The following XPO4 variants were observed in gnomAD, a reference collection of about 807,000 sequenced individuals.
XPO4 encodes the protein exportin 4, also known as exportin-4.
A neutral mutation model predicts 143.0 loss-of-function variants in XPO4; 39 were observed. The observed-to-expected ratio is 0.27, with a 90% confidence interval of 0.21 to 0.36. The LOEUF is 0.36. Among genes scored for constraint, XPO4 ranks in the 10% least tolerant of loss-of-function variants. The pLI, the probability that XPO4 is intolerant of heterozygous loss-of-function variation, is 1.00. For missense variants in XPO4, 907 were observed against 1,348.0 expected (o/e 0.67, Z 5.12); for synonymous variants, 439 against 474.0 (o/e 0.93, Z 0.96).
rs554935190 is a variant in XPO4 at position 20,869,613 on chromosome 13, A to G, written c.70-912T>C. 3.6e-5 allele frequency: 28 copies of G among 769,730 alleles called. No homozygotes were observed. The African/African-American group carries it at 4.3e-4, about 12-fold the overall frequency. 47.7% of individuals were successfully genotyped at this position (769,730 alleles called of 1,614,324 possible). Reference sequence around the variant, plus strand: ...ATTAGATCAACACTCATTATAAATTATATCAATTATGCAACATTAGTCACT... The same window carrying G: ...ATTAGATCAACACTCATTATAAATTGTATCAATTATGCAACATTAGTCACT... On this transcript the variant is annotated intron_variant, in intron 1 of 22. Transcript: ENST00000255305.
At chr13:20,875,929 G>T (rs1041965249) in intron 1 of XPO4, among the ~76,000 whole-genome samples, 1 of 151,888 alleles carries the variant, frequency 6.6e-6, no homozygotes, top group African/African-American at 2.4e-5. Flanking sequence ...TCATGTAAGG[G>T]TAAAGGCACA....
At chr13:20,850,072 C>CTCCA in intron 4 of XPO4, 3 of 967,216 alleles carry the variant, frequency 3.1e-6, no homozygotes, top group Non-Finnish European at 3.7e-6. Flanking sequence ...TGCCAATGCA[C>CTCCA]TCCAGCCTGG....
chr13:20,797,011 T>G lies in XPO4; in HGVS notation c.2369A>C (p.Glu790Ala), dbSNP rs1216309316. The change falls in exon 17 of 23, where the codon GAA (glutamate) becomes GCA (alanine). Residue 790 changes from glutamate (E) to alanine (A), a missense_variant. Glu to Ala is a moderately radical substitution (Grantham distance 107). Transcript: ENST00000255305. ...QQRFLRVINQ[E>A]NFQQMCQQEE... The stretch of plus-strand genomic sequence containing the variant: ...TTGCTGACACATCTGCTGGAAGTTT[T>G]CTTGGTTTATCACTCTTAAGAATCG... 6.2e-7 allele frequency: 1 copy of G among 1,612,246 alleles called. No individual in the cohort carries two copies.
At position 20,781,457 on chromosome 13, in the gene XPO4, A is replaced by G. The variant is rs140940061; in HGVS notation, c.*2265T>C. ...TAATATTCAACATTCTGCTGATCTT[A>G]TAAGTATTATTTGGTCCAATCTGAA... On this transcript the variant is annotated 3_prime_UTR_variant, in exon 23 of 23. Coordinates refer to ENST00000255305, the MANE Select transcript of XPO4 (RefSeq NM_022459.5). 226 of 152,728 alleles carry G rather than the reference A, an allele frequency of 1.5e-3. 1 individual carries two copies. Among genetic ancestry groups the G allele is most frequent in the African/African-American group, 5.1e-3 (210 of 41,570 alleles). The allele number at this position is 152,728 out of a possible 1,614,324, so 9.5% of individuals were successfully genotyped here. A position where few individuals can be genotyped will look rare whatever the true frequency, so the allele number is the denominator to read the frequency against.
chr13:20,891,186 A>G (rs1443311661), intron 1 of XPO4, among the ~76,000 whole-genome samples: 2 of 151,666 alleles, frequency 1.3e-5, no homozygotes, highest in Non-Finnish European at 2.9e-5. Flanking sequence ...GTGGTGTCTA[A>G]CACAGTAGCC....
intron 6 of XPO4, among the ~76,000 whole-genome samples, chr13:20,834,976 T>TA (rs2059899307): frequency 6.6e-6 from 1 of 152,146 alleles, no homozygotes; most frequent in Non-Finnish European, 1.5e-5. Flanking sequence ...TAATAATTTT[T>TA]AAAAATCAGA....
rs114433358 is a variant in XPO4 at position 20,852,240 on chromosome 13, G to C, written c.456+3387C>G. 5.7e-4 allele frequency: 566 copies of C among 985,400 alleles called. 2 individuals carry two copies. In the African/African-American group the frequency reaches 7.8e-3, roughly 14 times the overall value. The allele number at this position is 985,400 out of a possible 1,614,324, so 61.0% of individuals were successfully genotyped here. A position where few individuals can be genotyped will look rare whatever the true frequency, so the allele number is the denominator to read the frequency against. On this transcript the variant is annotated intron_variant, in intron 4 of 22. Transcript: ENST00000255305. ...AAGTTTAAATCCTGTCTGTCACAAGGAGCTGGACTCCTTTACTGCACACTG... is the reference window on the plus strand; with the variant it reads ...AAGTTTAAATCCTGTCTGTCACAAGCAGCTGGACTCCTTTACTGCACACTG...
intron 9 of XPO4, among the ~76,000 whole-genome samples, chr13:20,818,969 C>T (rs1046375508): frequency 5.9e-5 from 9 of 151,900 alleles, no homozygotes; most frequent in African/African-American, 1.5e-4. Flanking sequence ...TACAGGCGCC[C>T]GCCACCATGC....
At chr13:20,795,572 C>T (rs1168600648) in intron 18 of XPO4, among the ~76,000 whole-genome samples, 1 of 152,144 alleles carries the variant, frequency 6.6e-6, no homozygotes, top group Non-Finnish European at 1.5e-5. Flanking sequence ...GAGAGTGCTT[C>T]CTACACCAAC....
chr13:20,846,026 C>T (rs1417680996), intron 4 of XPO4, among the ~76,000 whole-genome samples: 4 of 152,104 alleles, frequency 2.6e-5, no homozygotes, highest in African/African-American at 9.7e-5. Context: ...ATGAGATAAC[C>T]TATTAAAAAC....
At chr13:20,863,769 C>T (rs548324055) in intron 2 of XPO4, among the ~76,000 whole-genome samples, 8 of 152,174 alleles carry the variant, frequency 5.3e-5, no homozygotes, top group Non-Finnish European at 7.4e-5. Context: ...AGATTATTTG[C>T]CAAGATCACT....
rs545259718 is a variant in XPO4, at chr13:20,783,643, AG to A, written c.*78del. ...AAAATGGCCAAATGAACTGAGGAATAGGACAAGACTCAAGTCAACTTTCAGC... is the reference window on the plus strand; with the variant it reads ...AAAATGGCCAAATGAACTGAGGAATAGACAAGACTCAAGTCAACTTTCAGC... On this transcript the variant is annotated 3_prime_UTR_variant, in exon 23 of 23. Transcript: ENST00000255305. The A allele has an allele frequency of 4.0e-6, 6 of 1,481,676 alleles. No individual in the cohort carries two copies. The highest frequency in any genetic ancestry group is 5.6e-6 in the Non-Finnish European group (6 of 1,065,458). The allele number at this position is 1,481,676 out of a possible 1,614,324, so 91.8% of individuals were successfully genotyped here.
At chr13:20,859,284 T>C (rs1317609630) in intron 3 of XPO4, among the ~76,000 whole-genome samples, 5 of 151,354 alleles carry the variant, frequency 3.3e-5, no homozygotes, top group Non-Finnish European at 4.4e-5. Flanking sequence ...CTGGCCAACA[T>C]GCTGAAACCA....
At chr13:20,864,507 T>A (rs2060227814) in intron 2 of XPO4, among the ~76,000 whole-genome samples, 1 of 152,122 alleles carries the variant, frequency 6.6e-6, no homozygotes, top group Non-Finnish European at 1.5e-5. Flanking sequence ...ATTCCTCCAT[T>A]TTACAGGAGC....
rs1205588761 is a variant in XPO4, at chr13:20,778,582, GTT to G, written c.*5138_*5139del. On this transcript the variant is annotated 3_prime_UTR_variant, in exon 23 of 23. Coordinates refer to ENST00000255305, the MANE Select transcript of XPO4 (RefSeq NM_022459.5). ...TGACTTAACTAGTAACTGTGAAACT[GTT>G]TCTAAGACTGTGGGCTGAGATAAAT... 1 of 151,776 alleles carries G rather than the reference GTT, an allele frequency of 6.6e-6. No individual in the cohort carries two copies. The allele number at this position is 151,776 out of a possible 1,614,324, so 9.4% of individuals were successfully genotyped here.
intron 6 of XPO4, among the ~76,000 whole-genome samples, chr13:20,841,122 A>G (rs1428732333): frequency 6.6e-6 from 1 of 152,218 alleles, no homozygotes; most frequent in African/African-American, 2.4e-5. Context: ...AAATATATGC[A>G]GTGTAACTTT....
intron 2 of XPO4, 23 bp from the exon 3 acceptor site, chr13:20,862,881 T>TA: frequency 6.2e-7 from 1 of 1,609,060 alleles, no homozygotes; most frequent in African/African-American, 1.3e-5. Flanking sequence ...TTAAAAACTT[T>TA]ATTTAAACAA....
Position 20,890,905 on chromosome 13 carries a change from T to C in XPO4, c.69+11765A>G, listed in dbSNP as rs918245618. The stretch of plus-strand genomic sequence containing the variant: ...GGCCAGTCACCTGAGGTCAGGAGTT[T>C]GAGACCAGCCTGACCGGACCAACAT... On this transcript the variant is annotated intron_variant, in intron 1 of 22. Coordinates refer to ENST00000255305, the MANE Select transcript of XPO4 (RefSeq NM_022459.5). 6.0e-5 allele frequency among the ~76,000 whole-genome samples: 9 copies of C among 151,234 alleles called. No individual in the cohort carries two copies. In the Middle Eastern group the frequency reaches 0.014, roughly 232 times the overall value.
At chr13:20,855,346 T>C (rs1421305989) in intron 4 of XPO4, among the ~76,000 whole-genome samples, 1 of 151,744 alleles carries the variant, frequency 6.6e-6, no homozygotes, top group Non-Finnish European at 1.5e-5. Flanking sequence ...TCCCAGCTAC[T>C]TGGGAGGCTG....
Sources: allele counts gnomAD v4.1 joint callset (sites outside exome capture counted in the v4.1 genomes callset), GRCh38; gene constraint gnomAD v4.1.1; transcripts MANE v1.5; gene names NCBI Gene and HGNC (gene_info 2026-07-23, HGNC 2026-07-21).